Variants in OCA2 observed in about 807,000 individuals in gnomAD.
OCA2 encodes the protein P protein.
Under a neutral mutation model 100.2 loss-of-function variants are expected in OCA2, and 77 were observed. The observed-to-expected ratio is 0.77, with a 90% CI of 0.64 to 0.93. OCA2 has a LOEUF of 0.93. Among genes scored for constraint, OCA2 ranks in the 40% least tolerant of loss-of-function variants. The pLI is 0.00. For synonymous variants in OCA2, 432 were observed against 439.2 expected, an observed-to-expected ratio of 0.98 and a Z score of 0.21; for missense variants, 1,062 against 1,089.1, an observed-to-expected ratio of 0.98 and a Z score of 0.35.
At chr15:27,980,778 A>G (rs768404943) in intron 14 of OCA2, among the ~76,000 whole-genome samples, 2 of 152,148 alleles carry the variant, frequency 1.3e-5, no homozygotes, top group African/African-American at 4.8e-5. Flanking sequence ...CGCCTGTAAC[A>G]TGTCTTTTTC....
At chr15:28,070,921 G>A (rs1380807686) in intron 2 of OCA2, among the ~76,000 whole-genome samples, 1 of 146,724 alleles carries the variant, frequency 6.8e-6, no homozygotes, top group Non-Finnish European at 1.5e-5. Flanking sequence ...AATGGATTAA[G>A]GGCGGTACAA....
At chr15:27,914,343 T>C (rs1290439045) in intron 19 of OCA2, among the ~76,000 whole-genome samples, 3 of 152,188 alleles carry the variant, frequency 2.0e-5, no homozygotes, top group East Asian at 1.9e-4. Flanking sequence ...TTCAACATAG[T>C]ACTGGAAGTC....
the OCA2 span, among the ~76,000 whole-genome samples, chr15:27,740,546 A>G: frequency 6.6e-6 from 1 of 152,214 alleles, no homozygotes; most frequent in Non-Finnish European, 1.5e-5. Flanking sequence ...TTTAGTCAAC[A>G]AAAGTACATG....
chr15:27,921,598 G>A (rs757905381), intron 19 of OCA2, among the ~76,000 whole-genome samples: 5 of 152,116 alleles, frequency 3.3e-5, no homozygotes, highest in East Asian at 3.9e-4. Flanking sequence ...CTACAAAGTC[G>A]AAAATCCGTG....
At chr15:27,788,884 T>C (rs1483438241) in intron 23 of OCA2, among the ~76,000 whole-genome samples, 2 of 152,110 alleles carry the variant, frequency 1.3e-5, no homozygotes. Context: ...TCAATTTGTT[T>C]TTAGTAATTG....
intron 9 of OCA2, among the ~76,000 whole-genome samples, chr15:28,008,245 A>C (rs777652100): frequency 4.6e-5 from 7 of 152,344 alleles, no homozygotes; most frequent in Non-Finnish European, 7.3e-5. Flanking sequence ...CTTAGAAGCA[A>C]AATTTATTCA....
At chr15:27,953,168 T>C (rs1344971338) in intron 17 of OCA2, among the ~76,000 whole-genome samples, 1 of 152,256 alleles carries the variant, frequency 6.6e-6, no homozygotes, top group African/African-American at 2.4e-5. Context: ...TTTGGACAGA[T>C]ATAGACATAT....
At chr15:27,983,589 GCA>G (rs376447821) in intron 13 of OCA2, 106 bp from the exon 14 acceptor site, 492 of 1,124,414 alleles carry the variant, frequency 4.4e-4, no homozygotes, top group Middle Eastern at 6.6e-4. Flanking sequence ...AGGGAGGCGC[GCA>G]CACACACACA....
chr15:27,784,720 T>A, intron 23 of OCA2, among the ~76,000 whole-genome samples: 1 of 152,118 alleles, frequency 6.6e-6, no homozygotes, highest in East Asian at 1.9e-4. Flanking sequence ...CGGCTCACTA[T>A]AGGCCTAACA....
intron 19 of OCA2, among the ~76,000 whole-genome samples, chr15:27,901,976 C>CCTGG (rs144183903): frequency 6.6e-6 from 1 of 152,140 alleles, no homozygotes; most frequent in African/African-American, 2.4e-5. Flanking sequence ...CCAGAAGGGT[C>CCTGG]CTGGCAGGGG....
the OCA2 span, among the ~76,000 whole-genome samples, chr15:27,733,321 C>A: frequency 6.6e-6 from 1 of 152,198 alleles, no homozygotes; most frequent in African/African-American, 2.4e-5. Context: ...CACATTTCAC[C>A]GCCCCTGTGG....
chr15:28,032,279 G>C, intron 2 of OCA2, 116 bp from the exon 3 acceptor site: 1 of 852,244 alleles, frequency 1.2e-6, no homozygotes, highest in Non-Finnish European at 2.0e-6. Context: ...ATCTTACAAG[G>C]AAATTTGCCT....
chr15:27,866,307 G>A (rs569095880), intron 21 of OCA2, among the ~76,000 whole-genome samples: 2 of 152,258 alleles, frequency 1.3e-5, no homozygotes, highest in Admixed American at 6.5e-5. Flanking sequence ...GTGCTGAAGA[G>A]GTGGCACCAC....
chr15:27,938,614 T>C (rs1674908484), intron 18 of OCA2, among the ~76,000 whole-genome samples: 1 of 152,112 alleles, frequency 6.6e-6, no homozygotes, highest in Non-Finnish European at 1.5e-5. Context: ...GCTGGTAAGT[T>C]TCACCAAATA....
At chr15:27,763,692 G>A (rs2031023561) in intron 23 of OCA2, among the ~76,000 whole-genome samples, 1 of 152,194 alleles carries the variant, frequency 6.6e-6, no homozygotes, top group South Asian at 2.1e-4. Context: ...CTGGCTGGGA[G>A]GCAGGCACCC....
rs112808824 is a variant in OCA2 at position 27,792,974 on chromosome 15, C to T, written c.2433-37502G>A. Among the ~76,000 whole-genome samples the T allele has an allele frequency of 6.1e-3, 934 of 152,298 alleles. 16 individuals carry two copies. Among genetic ancestry groups the T allele is most frequent in the African/African-American group, 0.021 (870 of 41,556 alleles). On this transcript the variant is annotated intron_variant, in intron 23 of 23. Transcript: ENST00000354638. ...GTCCAGCACAACTTCAGAGGAGGGG[C>T]GGCCAGGGCACTTGGCCATCTGGTG...
chr15:27,986,862 G>A (rs974411373), intron 11 of OCA2, among the ~76,000 whole-genome samples: 3 of 152,140 alleles, frequency 2.0e-5, no homozygotes, highest in Non-Finnish European at 2.9e-5. Context: ...GCCTATATGT[G>A]TGTCCAGGGA....
At chr15:27,839,518 C>T (rs1178365603) in intron 23 of OCA2, among the ~76,000 whole-genome samples, 1 of 152,078 alleles carries the variant, frequency 6.6e-6, no homozygotes, top group Non-Finnish European at 1.5e-5. Flanking sequence ...TTTGTGATTC[C>T]AATACTGAAT....
chr15:28,038,797 G>A (rs2043118342), intron 2 of OCA2, among the ~76,000 whole-genome samples: 1 of 152,140 alleles, frequency 6.6e-6, no homozygotes, highest in South Asian at 2.1e-4. Context: ...AAGCCATTTG[G>A]CAAAACATGG....
Sources: allele counts gnomAD v4.1 joint callset (sites outside exome capture counted in the v4.1 genomes callset), GRCh38; gene constraint gnomAD v4.1.1; transcripts MANE v1.5; gene names NCBI Gene and HGNC (gene_info 2026-07-23, HGNC 2026-07-21).